The following B3GALT1 variants were observed in gnomAD, a reference collection of about 807,000 sequenced individuals.
The protein encoded by B3GALT1 is beta-1,3-galactosyltransferase 1, also known as UDP-Gal:betaGlcNAc beta 1,3-galactosyltransferase, polypeptide 1.
B3GALT1 carries 10 observed loss-of-function variants against 23.2 expected under a neutral mutation model. That is an observed-to-expected ratio of 0.43 (90% CI 0.27 to 0.73). The LOEUF is 0.73. Ranked by LOEUF, B3GALT1 falls within the 30% of genes least tolerant of loss-of-function variation. B3GALT1 has a pLI of 0.21. For missense variants in B3GALT1, 299 were observed against 405.4 expected (o/e 0.74, Z 2.25); for synonymous variants, 156 against 141.5 (o/e 1.10, Z -0.73).
At chr2:167,736,558 T>A (rs1687495132) in intron 3 of B3GALT1, among the ~76,000 whole-genome samples, 1 of 152,146 alleles carries the variant, frequency 6.6e-6, no homozygotes, top group Non-Finnish European at 1.5e-5. Context: ...TTCAAAAGGT[T>A]GCAAAAATTC....
At chr2:167,522,824 G>A (rs1051836547) in intron 2 of B3GALT1, among the ~76,000 whole-genome samples, 5 of 152,128 alleles carry the variant, frequency 3.3e-5, no homozygotes, top group African/African-American at 4.8e-5. Context: ...AAGAATGAGT[G>A]TTCTTTGTGA....
intron 1 of B3GALT1, among the ~76,000 whole-genome samples, chr2:167,439,190 A>C (rs1373985797): frequency 1.3e-5 from 2 of 152,156 alleles, no homozygotes; most frequent in Non-Finnish European, 2.9e-5. Flanking sequence ...AGTAGTGATA[A>C]ATTTAGTAAT....
chr2:167,373,793 A>G (rs1697720592), intron 1 of B3GALT1, among the ~76,000 whole-genome samples: 2 of 152,142 alleles, frequency 1.3e-5, no homozygotes, highest in South Asian at 4.1e-4. Context: ...TGCTGACCTC[A>G]AGTGATCCAT....
chr2:167,743,197 A>G (rs1210868971), intron 3 of B3GALT1, among the ~76,000 whole-genome samples: 1 of 152,068 alleles, frequency 6.6e-6, no homozygotes, highest in African/African-American at 2.4e-5. Context: ...CTTTTTTGTT[A>G]TAACAAGCAA....
At chr2:167,487,523 A>G (rs1236171600) in intron 1 of B3GALT1, among the ~76,000 whole-genome samples, 1 of 152,060 alleles carries the variant, frequency 6.6e-6, no homozygotes. Context: ...TATGGTTCAT[A>G]TTTTATTTAT....
chr2:167,630,326 A>T (rs1685418464), intron 2 of B3GALT1, among the ~76,000 whole-genome samples: 1 of 151,780 alleles, frequency 6.6e-6, no homozygotes, highest in Non-Finnish European at 1.5e-5. Context: ...TCCTTAAAAA[A>T]TGTATGAAGA....
intron 1 of B3GALT1, among the ~76,000 whole-genome samples, chr2:167,406,797 CA>C (rs1354728293): frequency 2.6e-5 from 4 of 152,174 alleles, no homozygotes; most frequent in Non-Finnish European, 5.9e-5. Flanking sequence ...GTACATTCCA[CA>C]GATACAGATC....
chr2:167,389,911 AAAAAAAAAAAAAAC>A (rs1203811868), intron 1 of B3GALT1, among the ~76,000 whole-genome samples: 2 of 93,250 alleles, frequency 2.1e-5, no homozygotes, highest in African/African-American at 4.2e-5. Flanking sequence ...ACCCTGTCCA[AAAAAAAAAAAAAAC>A]AAAAAAAAAA....
rs1163123990 is a variant in B3GALT1, at chr2:167,360,578, G to A, written c.-511+67244G>A. Among the ~76,000 whole-genome samples, 6 of 152,100 alleles carry A rather than the reference G, an allele frequency of 3.9e-5. No individual in the cohort carries two copies. In the South Asian group the frequency reaches 8.3e-4, roughly 21 times the overall value. On this transcript the variant is annotated intron_variant, in intron 1 of 4. Coordinates refer to ENST00000392690, the MANE Select transcript of B3GALT1 (RefSeq NM_020981.4). ...AGTCAGAAACTCCAAGTGAGGCCCA[G>A]CAATCATCTTTTAAAATATATTTTT...
At chr2:167,552,836 C>T (rs1481282586) in intron 2 of B3GALT1, among the ~76,000 whole-genome samples, 1 of 152,128 alleles carries the variant, frequency 6.6e-6, no homozygotes, top group African/African-American at 2.4e-5. Flanking sequence ...GGTTTCCAAA[C>T]AAGATATTCT....
In B3GALT1 at chr2:167,574,573, A is replaced by G. The variant is rs1201561492; in HGVS notation, c.-409-72336A>G. Among the ~76,000 whole-genome samples, 5 of 151,714 alleles carry G rather than the reference A, an allele frequency of 3.3e-5. No individual in the cohort carries two copies. In the East Asian group the frequency reaches 9.6e-4, roughly 29 times the overall value. Reference sequence around the variant, plus strand: ...GCTACAATTTCACTTGGATATCTAGATTGCTGCCTTCATCAACTGGATTTA... The same window carrying G: ...GCTACAATTTCACTTGGATATCTAGGTTGCTGCCTTCATCAACTGGATTTA... On this transcript the variant is annotated intron_variant, in intron 2 of 4. Coordinates refer to ENST00000392690, the MANE Select transcript of B3GALT1 (RefSeq NM_020981.4).
chr2:167,465,729 A>G (rs762509027), intron 1 of B3GALT1, among the ~76,000 whole-genome samples: 30 of 151,376 alleles, frequency 2.0e-4, no homozygotes, highest in Non-Finnish European at 1.5e-4. Context: ...AACGCCAAGA[A>G]GCAAATATAC....
intron 1 of B3GALT1, among the ~76,000 whole-genome samples, chr2:167,472,680 C>T (rs1472973657): frequency 6.6e-6 from 1 of 152,108 alleles, no homozygotes; most frequent in Non-Finnish European, 1.5e-5. Context: ...GTTCCGTGCT[C>T]TTCCTTTGTC....
chr2:167,361,212 G>GTTTT (rs66780629), intron 1 of B3GALT1, among the ~76,000 whole-genome samples: 2 of 104,168 alleles, frequency 1.9e-5, no homozygotes, highest in Non-Finnish European at 4.1e-5. Context: ...TCCCCCACTA[G>GTTTT]TTTTTTTTTT....
intron 2 of B3GALT1, among the ~76,000 whole-genome samples, chr2:167,532,697 A>G (rs1410583146): frequency 2.0e-5 from 3 of 152,088 alleles, no homozygotes; most frequent in African/African-American, 7.2e-5. Flanking sequence ...TTTAAAGAAA[A>G]CAATGCAACA....
intron 3 of B3GALT1, among the ~76,000 whole-genome samples, chr2:167,817,722 C>T: frequency 6.6e-6 from 1 of 152,202 alleles, no homozygotes; most frequent in East Asian, 1.9e-4. Context: ...CATCACATTT[C>T]AGTCACTCAG....
intron 1 of B3GALT1, among the ~76,000 whole-genome samples, chr2:167,296,792 A>G (rs1377180350): frequency 6.6e-6 from 1 of 152,232 alleles, no homozygotes; most frequent in African/African-American, 2.4e-5. Context: ...TAAATCACAC[A>G]AAGATCCCCA....
intron 2 of B3GALT1, among the ~76,000 whole-genome samples, chr2:167,513,841 C>T (rs545425704): frequency 6.6e-6 from 1 of 152,122 alleles, no homozygotes; most frequent in African/African-American, 2.4e-5. Flanking sequence ...ATTTTTACTG[C>T]TGCTATAAAC....
intron 4 of B3GALT1, among the ~76,000 whole-genome samples, chr2:167,829,879 G>A (rs1250440909): frequency 1.3e-5 from 2 of 152,196 alleles, no homozygotes; most frequent in Admixed American, 6.5e-5. Flanking sequence ...CAAAGCCCAT[G>A]TAGGTAAATG....
Sources: gnomAD v4.1 joint callset for allele counts (sites outside exome capture counted in the v4.1 genomes callset) on GRCh38, gnomAD v4.1.1 for gene constraint, MANE v1.5 for transcripts, NCBI Gene and HGNC (gene_info 2026-07-23, HGNC 2026-07-21) for gene names.